Variants in GNB1 observed in about 807,000 individuals in gnomAD.
The protein encoded by GNB1 is guanine nucleotide-binding protein G(I)/G(S)/G(T) subunit beta-1.
In GNB1, 2 loss-of-function variants were observed where a neutral mutation model predicts 42.9. The observed-to-expected ratio is 0.05, with a 90% CI of 0.02 to 0.15. The LOEUF is 0.15. GNB1 is among the 10% of genes least tolerant of loss of function. The pLI is 1.00. For synonymous variants in GNB1, 183 were observed against 174.7 expected (o/e 1.05, Z -0.38); for missense variants, 193 against 462.2 (o/e 0.42, Z 5.34).
rs188979018 is a variant in GNB1 at position 1,808,707 on chromosome 1, G to C, written c.204-2169C>G. Among the ~76,000 whole-genome samples, 165 of 151,940 alleles carry C rather than the reference G, an allele frequency of 1.1e-3. 1 individual carries two copies. The highest frequency in any genetic ancestry group is 6.9e-3 in the Admixed American group (106 of 15,276). On this transcript the variant is annotated intron_variant, in intron 5 of 11. Transcript: ENST00000378609. ...CACCCAGGCTGGAGTGCAGTGGTGTGATCTCAGCTCACTGCAACCTCTATC... is the reference window on the plus strand; with the variant it reads ...CACCCAGGCTGGAGTGCAGTGGTGTCATCTCAGCTCACTGCAACCTCTATC...
chr1:1,793,162 C>A, intron 8 of GNB1, 83 bp downstream of exon 8: 1 of 787,192 alleles, frequency 1.3e-6, no homozygotes, highest in South Asian at 1.6e-5. Flanking sequence ...ATGTCAAGAA[C>A]CTTATTTCCT....
chr1:1,883,792 G>C (rs781068124), intron 1 of GNB1, among the ~76,000 whole-genome samples: 1 of 152,210 alleles, frequency 6.6e-6, no homozygotes, highest in Admixed American at 6.5e-5. Context: ...AAATCAGCCA[G>C]TGAGGCAACA....
At chr1:1,882,070 T>C (rs910054064) in intron 1 of GNB1, among the ~76,000 whole-genome samples, 2 of 152,142 alleles carry the variant, frequency 1.3e-5, no homozygotes, top group African/African-American at 4.8e-5. Context: ...TGCCTGCGTG[T>C]CAGGCTCCCT....
intron 7 of GNB1, among the ~76,000 whole-genome samples, chr1:1,803,680 A>C (rs1432592432): frequency 6.6e-6 from 1 of 152,142 alleles, no homozygotes; most frequent in African/African-American, 2.4e-5. Context: ...TATTTGAACC[A>C]GTCTCATTTA....
chr1:1,857,872 T>C (rs766784073), intron 1 of GNB1, among the ~76,000 whole-genome samples: 8 of 152,104 alleles, frequency 5.3e-5, no homozygotes, highest in Non-Finnish European at 1.0e-4. Flanking sequence ...TAATAACTAA[T>C]AATCAAGCAG....
chr1:1,869,956 G>A (rs1004774066), intron 1 of GNB1, among the ~76,000 whole-genome samples: 4 of 152,054 alleles, frequency 2.6e-5, no homozygotes, highest in Middle Eastern at 3.4e-3. Context: ...TCCACCTCCT[G>A]GGTTCAAGAG....
chr1:1,801,178 C>T (rs936017786), intron 7 of GNB1, among the ~76,000 whole-genome samples: 2 of 152,200 alleles, frequency 1.3e-5, no homozygotes, highest in African/African-American at 2.4e-5. Flanking sequence ...CAAGCGCATG[C>T]CACCATGCTT....
At chr1:1,873,613 T>C (rs1442248840) in intron 1 of GNB1, among the ~76,000 whole-genome samples, 1 of 152,230 alleles carries the variant, frequency 6.6e-6, no homozygotes, top group Non-Finnish European at 1.5e-5. Context: ...TATGCTCTTC[T>C]TAAACTTGGC....
At chr1:1,821,290 G>A (rs1646927581) in intron 3 of GNB1, among the ~76,000 whole-genome samples, 1 of 152,138 alleles carries the variant, frequency 6.6e-6, no homozygotes, top group African/African-American at 2.4e-5. Flanking sequence ...GCATCCTGTG[G>A]AGCTTTCCTT....
intron 5 of GNB1, among the ~76,000 whole-genome samples, chr1:1,812,264 T>C (rs1391459449): frequency 1.3e-5 from 2 of 151,070 alleles, no homozygotes; most frequent in Non-Finnish European, 2.9e-5. Context: ...AGTTAACAGG[T>C]GCAGCAAACC....
At chr1:1,826,490 C>T (rs1357293118) in intron 2 of GNB1, among the ~76,000 whole-genome samples, 3 of 152,100 alleles carry the variant, frequency 2.0e-5, no homozygotes, top group East Asian at 1.9e-4. Flanking sequence ...CTTCAGGGAA[C>T]GGGGGTGAGT....
intron 1 of GNB1, among the ~76,000 whole-genome samples, chr1:1,846,122 ATCTGAGGG>A (rs1046974375): frequency 2.0e-5 from 3 of 152,106 alleles, no homozygotes; most frequent in Admixed American, 1.3e-4. Context: ...ATTTAGGACA[ATCTGAGGG>A]TCAACATGAC....
intron 7 of GNB1, among the ~76,000 whole-genome samples, chr1:1,802,969 A>G (rs1005416848): frequency 1.3e-5 from 2 of 152,200 alleles, no homozygotes; most frequent in East Asian, 1.9e-4. Flanking sequence ...GAAATCAACA[A>G]CAGCAGCAGC....
chr1:1,869,798 G>A (rs1043673123), intron 1 of GNB1, among the ~76,000 whole-genome samples: 4 of 152,214 alleles, frequency 2.6e-5, no homozygotes, highest in African/African-American at 7.2e-5. Flanking sequence ...GACAACCTAC[G>A]CTAACACACT....
At chr1:1,853,118 C>G (rs553971066) in intron 1 of GNB1, among the ~76,000 whole-genome samples, 2 of 152,192 alleles carry the variant, frequency 1.3e-5, no homozygotes, top group East Asian at 3.9e-4. Flanking sequence ...CCCCTGTGCT[C>G]CACTCCCACT....
chr1:1,856,250 A>G (rs1245196934), intron 1 of GNB1, among the ~76,000 whole-genome samples: 2 of 152,116 alleles, frequency 1.3e-5, no homozygotes, highest in Non-Finnish European at 2.9e-5. Context: ...TCAAACTCTC[A>G]GCCTCAAGTG....
intron 7 of GNB1, among the ~76,000 whole-genome samples, chr1:1,799,012 C>T (rs959262759): frequency 2.0e-5 from 3 of 152,104 alleles, no homozygotes; most frequent in Non-Finnish European, 2.9e-5. Context: ...CTCCGCCCCC[C>T]GGGGTTCACG....
At chr1:1,888,115 A>G (rs1477742875) in intron 1 of GNB1, among the ~76,000 whole-genome samples, 1 of 152,244 alleles carries the variant, frequency 6.6e-6, no homozygotes, top group African/African-American at 2.4e-5. Context: ...TTGTCTGATG[A>G]GATAACTATG....
chr1:1,815,434 CA>C (rs1313123416), intron 5 of GNB1, among the ~76,000 whole-genome samples: 9 of 152,262 alleles, frequency 5.9e-5, no homozygotes, highest in Admixed American at 2.0e-4. Flanking sequence ...CCCAAGTTCA[CA>C]TAAGTAGGAT....
Sources: gnomAD v4.1 joint callset for allele counts (sites outside exome capture counted in the v4.1 genomes callset) on GRCh38, gnomAD v4.1.1 for gene constraint, MANE v1.5 for transcripts, NCBI Gene and HGNC (gene_info 2026-07-23, HGNC 2026-07-21) for gene names.